PUS10: variants seen among roughly 807,000 people sequenced by gnomAD.
PUS10 encodes tRNA pseudouridine synthase Pus10.
Under a neutral mutation model 75.0 loss-of-function variants are expected in PUS10, and 59 were observed. That is an observed-to-expected ratio of 0.79 (90% CI 0.64 to 0.98). The LOEUF is 0.98. PUS10 is among the 50% of genes least tolerant of loss of function. The pLI is 0.00. For synonymous variants in PUS10, 219 were observed against 211.6 expected, an observed-to-expected ratio of 1.03 and a Z score of -0.30; for missense variants, 650 against 614.4, an observed-to-expected ratio of 1.06 and a Z score of -0.61.
chr2:61,006,551 C>A lies in PUS10; in HGVS notation c.468+6G>T. The stretch of plus-strand genomic sequence containing the variant: ...CATACAGTTTTATGCATGCAAATGA[C>A]CTTACCTCTCTTACAGATAGTTGTG... On this transcript the variant is annotated splice_donor_region_variant and intron_variant, in intron 4 of 17. Transcript: ENST00000316752. 6.2e-7 allele frequency: 1 copy of A among 1,605,610 alleles called. No homozygotes were observed. Among genetic ancestry groups the A allele is most frequent in the Non-Finnish European group, 8.5e-7 (1 of 1,173,562 alleles).
chr2:61,008,924 AG>A lies in PUS10; in HGVS notation c.217del (p.Leu73CysfsTer11). The A allele has an allele frequency of 6.2e-7, 1 of 1,613,890 alleles. No individual in the cohort carries two copies. The highest frequency in any genetic ancestry group is 8.5e-7 in the Non-Finnish European group (1 of 1,179,848). ...ATCAATACTATCTTCCAGTTCTTGC[AG>A]TCGAATTTTCTTGGGAGGTGGGTTC... ...VMNPPPKKIRLQELEDSIDNL... is the reference protein window; with the variant it reads ...VMNPPPKKIRXQELEDSIDNL... On this transcript the variant is annotated frameshift_variant, in exon 3 of 18. Coordinates refer to ENST00000316752, the MANE Select transcript of PUS10 (RefSeq NM_144709.4). LOFTEE classifies it high-confidence loss of function.
intron 4 of PUS10, among the ~76,000 whole-genome samples, chr2:60,973,389 G>C (rs933432068): frequency 1.3e-5 from 2 of 152,250 alleles, no homozygotes; most frequent in African/African-American, 4.8e-5. Flanking sequence ...AGGCCTGGAG[G>C]GGTCTGCTCC....
At chr2:60,948,288 C>T in intron 15 of PUS10, 103 bp from the exon 16 acceptor site, 1 of 1,107,718 alleles carries the variant, frequency 9.0e-7, no homozygotes, top group Non-Finnish European at 1.3e-6. Context: ...ACAGATGCTT[C>T]CTTGAGAGAA....
intron 9 of PUS10, 141 bp from the exon 10 acceptor site, chr2:60,961,689 C>G: frequency 1.4e-6 from 1 of 714,880 alleles, no homozygotes; most frequent in Non-Finnish European, 2.5e-6. Flanking sequence ...ACAGGTCTTG[C>G]AGGCCTGTGG....
rs201002606 is a variant in PUS10, at chr2:60,949,237, C to CA, written c.1309-1053dup. The stretch of plus-strand genomic sequence containing the variant: ...TCTGATTTTTCTCTGGTCAAAGAGA[C>CA]AAAAAAAAAATACATAAATAAAGGA... On this transcript the variant is annotated intron_variant, in intron 15 of 17. Transcript: ENST00000316752. 2.1e-3 allele frequency among the ~76,000 whole-genome samples: 298 copies of CA among 143,406 alleles called. 1 individual carries two copies. Among genetic ancestry groups the CA allele is most frequent in the East Asian group, 4.8e-3 (24 of 4,950 alleles). 94.1% of individuals were successfully genotyped at this position (143,406 alleles called of 152,430 possible). A position where few individuals can be genotyped will look rare whatever the true frequency, so the allele number is the denominator to read the frequency against.
intron 1 of PUS10, chr2:61,017,208 G>A (rs1441717424): frequency 1.3e-5 from 2 of 152,442 alleles, no homozygotes; most frequent in African/African-American, 4.8e-5. Flanking sequence ...GGCCCTCGAA[G>A]GGAAGAGGGA....
chr2:60,987,990 G>A (rs2104539627), intron 4 of PUS10, among the ~76,000 whole-genome samples: 1 of 151,864 alleles, frequency 6.6e-6, no homozygotes, highest in East Asian at 1.9e-4. Context: ...TTGGGAGGCT[G>A]AGGCAGGAGA....
In PUS10 at chr2:60,953,011, GGAA is replaced by G. The variant is rs1160759146; in HGVS notation, c.1291_1293del (p.Phe431del). ...ACTTAAACTACCTTTATGTCATTTA[GGAA>G]TTCAATGTCTTTCTTCTGTATCGCT... On this transcript the variant is annotated inframe_deletion, in exon 15 of 18. Coordinates refer to ENST00000316752, the MANE Select transcript of PUS10 (RefSeq NM_144709.4). 1 of 1,535,514 alleles carries G rather than the reference GGAA, an allele frequency of 6.5e-7. No homozygotes were observed. The highest frequency in any genetic ancestry group is 1.4e-5 in the African/African-American group (1 of 73,216).
At chr2:61,000,760 T>C (rs79833975) in intron 4 of PUS10, among the ~76,000 whole-genome samples, 1,563 of 152,338 alleles carry the variant, frequency 0.01, 34 homozygotes, top group African/African-American at 0.035. Context: ...CCCATTTTCC[T>C]AGTGTTCCAT....
At chr2:61,007,050 A>G (rs1468525733) in intron 3 of PUS10, among the ~76,000 whole-genome samples, 1 of 152,222 alleles carries the variant, frequency 6.6e-6, no homozygotes, top group East Asian at 1.9e-4. Context: ...AAGGACAACT[A>G]GAAATGAACT....
At chr2:61,009,133 G>T in intron 2 of PUS10, 118 bp from the exon 3 acceptor site, 1 of 867,436 alleles carries the variant, frequency 1.2e-6, no homozygotes, top group Non-Finnish European at 1.7e-6. Context: ...ATTTTACAAT[G>T]TTGACATATC....
intron 15 of PUS10, among the ~76,000 whole-genome samples, chr2:60,952,508 A>G (rs2104227426): frequency 6.6e-6 from 1 of 152,256 alleles, no homozygotes; most frequent in East Asian, 1.9e-4. Flanking sequence ...CATGTGTTTT[A>G]TTCATGTATT....
At chr2:60,970,673 G>A (rs1402631130) in intron 5 of PUS10, among the ~76,000 whole-genome samples, 1 of 152,040 alleles carries the variant, frequency 6.6e-6, no homozygotes, top group African/African-American at 2.4e-5. Flanking sequence ...GGACGGAAAT[G>A]ATATACATGA....
intron 11 of PUS10, among the ~76,000 whole-genome samples, chr2:60,955,995 C>T (rs1246040694): frequency 1.3e-5 from 2 of 151,900 alleles, no homozygotes; most frequent in African/African-American, 4.8e-5. Context: ...TTATACATGT[C>T]ATGAAACCAA....
Position 60,965,499 on chromosome 2 carries a change from G to T in PUS10, c.616-15C>A. The T allele has an allele frequency of 1.9e-6, 3 of 1,586,464 alleles. No individual in the cohort carries two copies. Among genetic ancestry groups the T allele is most frequent in the Non-Finnish European group, 2.6e-6 (3 of 1,167,724 alleles). ...TCAAACAAGCTCTAAAAATTATAAA[G>T]ACAGTTTAAAAATGAGCAAAAGGAA... On this transcript the variant is annotated splice_polypyrimidine_tract_variant and intron_variant, in intron 6 of 17. Transcript: ENST00000316752.
chr2:61,010,672 C>G, intron 2 of PUS10: 1 of 1,153,872 alleles, frequency 8.7e-7, no homozygotes, highest in Non-Finnish European at 1.2e-6. Flanking sequence ...AGGTATTGTC[C>G]CTTAAAGTCC....
At chr2:61,005,024 G>A (rs1051463853) in intron 4 of PUS10, among the ~76,000 whole-genome samples, 1 of 152,200 alleles carries the variant, frequency 6.6e-6, no homozygotes, top group Non-Finnish European at 1.5e-5. Flanking sequence ...GGAGGCCGAG[G>A]TGGGCGGATC....
intron 1 of PUS10, among the ~76,000 whole-genome samples, chr2:61,013,125 C>T (rs1679736400): frequency 6.6e-6 from 1 of 151,742 alleles, no homozygotes; most frequent in Admixed American, 6.6e-5. Flanking sequence ...TGGTGGTACA[C>T]ACCTGTATTC....
intron 4 of PUS10, among the ~76,000 whole-genome samples, chr2:60,987,647 A>G (rs554287973): frequency 1.3e-4 from 20 of 152,206 alleles, no homozygotes; most frequent in Non-Finnish European, 1.9e-4. Flanking sequence ...TAAAATAGCT[A>G]AACAGGTCAG....
Sources: gnomAD v4.1 joint callset for allele counts (sites outside exome capture counted in the v4.1 genomes callset) on GRCh38, gnomAD v4.1.1 for gene constraint, MANE v1.5 for transcripts, NCBI Gene and HGNC (gene_info 2026-07-23, HGNC 2026-07-21) for gene names.